The following GRM3 variants were observed in gnomAD, a reference collection of about 807,000 sequenced individuals.
The protein encoded by GRM3 is metabotropic glutamate receptor 3.
Under a neutral mutation model 70.5 loss-of-function variants are expected in GRM3, and 26 were observed. The observed-to-expected ratio is 0.37, with a 90% CI of 0.27 to 0.51. GRM3 has a LOEUF of 0.51. GRM3 is among the 20% of genes least tolerant of loss of function. GRM3 has a pLI of 0.93. For missense variants in GRM3, 859 were observed against 1,123.8 expected (o/e 0.76, Z 3.37); for synonymous variants, 443 against 434.9 (o/e 1.02, Z -0.23).
At chr7:86,719,669 G>A (rs1369563010) in intron 1 of GRM3, among the ~76,000 whole-genome samples, 1 of 152,004 alleles carries the variant, frequency 6.6e-6, no homozygotes, top group Non-Finnish European at 1.5e-5. Flanking sequence ...CACTGACTAT[G>A]TGTCAAGGAG....
chr7:86,735,229 C>T (rs1403332005), intron 1 of GRM3, among the ~76,000 whole-genome samples: 4 of 152,186 alleles, frequency 2.6e-5, no homozygotes, highest in African/African-American at 4.8e-5. Context: ...TCAGTCCTAA[C>T]TTATTAACAG....
At chr7:86,656,248 C>T (rs1451096105) in intron 1 of GRM3, among the ~76,000 whole-genome samples, 1 of 144,706 alleles carries the variant, frequency 6.9e-6, no homozygotes, top group Non-Finnish European at 1.5e-5. Flanking sequence ...TTTTGTGACA[C>T]TATACTATGT....
chr7:86,772,396 A>G lies in GRM3; in HGVS notation c.468+6783A>G, dbSNP rs181486349. Among the ~76,000 whole-genome samples, 3 of 152,242 alleles carry G rather than the reference A, an allele frequency of 2.0e-5. No individual in the cohort carries two copies. In the East Asian group the frequency reaches 5.8e-4, roughly 29 times the overall value. On this transcript the variant is annotated intron_variant, in intron 2 of 5. Transcript: ENST00000361669. The stretch of plus-strand genomic sequence containing the variant: ...TCTGCAATGGAAGACTTGTTTAGAT[A>G]TAAAAGACAGACAATGTTGCAAGGC...
At chr7:86,770,904 G>A (rs549368346) in intron 2 of GRM3, among the ~76,000 whole-genome samples, 1 of 152,016 alleles carries the variant, frequency 6.6e-6, no homozygotes, top group Non-Finnish European at 1.5e-5. Flanking sequence ...TGGATATAAG[G>A]CTGTCCTGTA....
chr7:86,794,265 T>C (rs1431792381), intron 3 of GRM3, among the ~76,000 whole-genome samples: 1 of 152,176 alleles, frequency 6.6e-6, no homozygotes, highest in Non-Finnish European at 1.5e-5. Flanking sequence ...TTACTTATCC[T>C]GAGCAGGACA....
At chr7:86,659,688 A>G (rs759413939) in intron 1 of GRM3, among the ~76,000 whole-genome samples, 3 of 152,084 alleles carry the variant, frequency 2.0e-5, no homozygotes, top group Non-Finnish European at 4.4e-5. Context: ...CAAATATTGT[A>G]TAGGTTTTTG....
chr7:86,859,942 A>G (rs1331064800), intron 5 of GRM3, among the ~76,000 whole-genome samples: 1 of 152,168 alleles, frequency 6.6e-6, no homozygotes, highest in African/African-American at 2.4e-5. Context: ...ATGCCTTTTG[A>G]TGGCTGTGAA....
At chr7:86,646,637 G>A (rs1248745512) in intron 1 of GRM3, among the ~76,000 whole-genome samples, 1 of 152,024 alleles carries the variant, frequency 6.6e-6, no homozygotes, top group Non-Finnish European at 1.5e-5. Flanking sequence ...TAAAACTGTG[G>A]TTTTATGAGT....
chr7:86,716,834 T>C (rs1795328856), intron 1 of GRM3, among the ~76,000 whole-genome samples: 1 of 151,960 alleles, frequency 6.6e-6, no homozygotes, highest in African/African-American at 2.4e-5. Flanking sequence ...GTAAACATTT[T>C]ATTTCATCTT....
At chr7:86,849,062 C>T (rs1456549242) in intron 4 of GRM3, among the ~76,000 whole-genome samples, 1 of 152,096 alleles carries the variant, frequency 6.6e-6, no homozygotes, top group Non-Finnish European at 1.5e-5. Flanking sequence ...AAAAGGTTTC[C>T]TGGAAATTTT....
At chr7:86,711,641 A>G (rs1584185860) in intron 1 of GRM3, among the ~76,000 whole-genome samples, 3 of 152,244 alleles carry the variant, frequency 2.0e-5, no homozygotes, top group South Asian at 2.1e-4. Flanking sequence ...AAGATGATGT[A>G]TAATGGGTGT....
intron 5 of GRM3, among the ~76,000 whole-genome samples, chr7:86,860,190 C>T (rs553465489): frequency 1.3e-5 from 2 of 152,166 alleles, no homozygotes; most frequent in Admixed American, 6.6e-5. Context: ...CATTAAAAAT[C>T]TCATGAGGAT....
At chr7:86,857,474 G>C (rs1442767237) in intron 5 of GRM3, among the ~76,000 whole-genome samples, 1 of 152,168 alleles carries the variant, frequency 6.6e-6, no homozygotes, top group Non-Finnish European at 1.5e-5. Context: ...ATATAAAAGA[G>C]GGAGCAGCCA....
chr7:86,794,405 A>C (rs1045038360), intron 3 of GRM3, among the ~76,000 whole-genome samples: 6 of 152,222 alleles, frequency 3.9e-5, no homozygotes, highest in Non-Finnish European at 8.8e-5. Context: ...TCAAACAATT[A>C]TACTGTTATC....
In GRM3 at chr7:86,839,630, T is replaced by C; in HGVS notation, c.2116T>C (p.Trp706Arg). Residue 706 changes from tryptophan (W) to arginine (R), a missense_variant, in exon 4 of 6, where the codon TGG becomes CGG. Physicochemically the swap from Trp to Arg is moderately radical, Grantham distance 101. Coordinates refer to ENST00000361669, the MANE Select transcript of GRM3 (RefSeq NM_000840.3). This position sits in a 1 kb window ranked among gnomAD's most constrained non-coding sequence, Gnocchi z 4.5. ...ILVQIVMVSV[W>R]LILEAPGTRR... Reference sequence around the variant, plus strand: ...GGTGCAAATTGTGATGGTGTCTGTGTGGCTCATCCTGGAGGCCCCAGGCAC... The same window carrying C: ...GGTGCAAATTGTGATGGTGTCTGTGCGGCTCATCCTGGAGGCCCCAGGCAC... 6.2e-7 allele frequency: 1 copy of C among 1,613,986 alleles called. No homozygotes were observed.
At chr7:86,852,193 C>T (rs1221392388) in intron 5 of GRM3, among the ~76,000 whole-genome samples, 2 of 152,070 alleles carry the variant, frequency 1.3e-5, no homozygotes, top group African/African-American at 2.4e-5. Context: ...TTCTCATGGC[C>T]AGGCTTTGCA....
chr7:86,645,984 CG>C (rs1210765764), intron 1 of GRM3, among the ~76,000 whole-genome samples: 1,274 of 12,726 alleles, frequency 0.1, 65 homozygotes, highest in African/African-American at 0.26. Context: ...TTGTGGTGGG[CG>C]GGGGGGTGGG....
intron 1 of GRM3, among the ~76,000 whole-genome samples, chr7:86,669,169 T>C (rs1228886884): frequency 6.6e-6 from 1 of 152,164 alleles, no homozygotes; most frequent in Non-Finnish European, 1.5e-5. Context: ...AGTGGTTCTC[T>C]ACATTGGCTG....
chr7:86,720,448 A>C (rs1466328021), intron 1 of GRM3, among the ~76,000 whole-genome samples: 1 of 152,064 alleles, frequency 6.6e-6, no homozygotes, highest in Non-Finnish European at 1.5e-5. Context: ...AGTGATAAGT[A>C]AAGTCATGGG....
Sources: gnomAD v4.1 joint callset for allele counts (sites outside exome capture counted in the v4.1 genomes callset) on GRCh38, gnomAD v4.1.1 for gene constraint, Gnocchi (gnomAD v3.1) non-coding constraint, MANE v1.5 for transcripts, NCBI Gene and HGNC (gene_info 2026-07-23, HGNC 2026-07-21) for gene names.